TRDN: variants seen among roughly 807,000 people sequenced by gnomAD.
The protein encoded by TRDN is triadin in skeletal muscle.
TRDN carries 161 observed loss-of-function variants against 149.7 expected under a neutral mutation model. The observed-to-expected ratio is 1.08, with a 90% CI of 0.95 to 1.23. The LOEUF (loss-of-function observed/expected upper bound fraction) is 1.23. Ranked by LOEUF, TRDN falls within the 50% of genes most tolerant of loss-of-function variation. The pLI is 0.00. For missense variants in TRDN, 896 were observed against 823.5 expected (o/e 1.09, Z -1.08); for synonymous variants, 294 against 250.5 (o/e 1.17, Z -1.64).
chr6:123,533,257 G>T (rs1449528564), intron 4 of TRDN, among the ~76,000 whole-genome samples: 2 of 152,042 alleles, frequency 1.3e-5, no homozygotes, highest in African/African-American at 2.4e-5. Context: ...AGAGGTAGGG[G>T]TGTGTGCATA....
At chr6:123,602,316 G>C (rs115231050) in intron 1 of TRDN, among the ~76,000 whole-genome samples, 1 of 151,984 alleles carries the variant, frequency 6.6e-6, no homozygotes, top group Non-Finnish European at 1.5e-5. Context: ...TCTAAGTGAA[G>C]TAACACAAGA....
intron 36 of TRDN, 38 bp downstream of exon 36, chr6:123,255,829 G>T: frequency 7.8e-7 from 1 of 1,278,492 alleles, no homozygotes; most frequent in Non-Finnish European, 1.0e-6. Flanking sequence ...TTAGCTTCAG[G>T]GCTTTGCATT....
At chr6:123,392,451 A>G (rs1772527631) in intron 13 of TRDN, among the ~76,000 whole-genome samples, 1 of 152,042 alleles carries the variant, frequency 6.6e-6, no homozygotes. Context: ...GTGGTTTTCT[A>G]TGAAAACATA....
intron 10 of TRDN, among the ~76,000 whole-genome samples, chr6:123,461,956 C>T (rs370325100): frequency 1.3e-5 from 2 of 152,146 alleles, no homozygotes; most frequent in South Asian, 2.1e-4. Flanking sequence ...CCAATAGACA[C>T]GGGAATTCAA....
chr6:123,260,240 T>C (rs1776716458), intron 34 of TRDN, among the ~76,000 whole-genome samples: 1 of 152,144 alleles, frequency 6.6e-6, no homozygotes, highest in African/African-American at 2.4e-5. Context: ...CCTGGCATGA[T>C]GGATTCATAA....
chr6:123,309,483 A>G (rs756008093), intron 24 of TRDN, among the ~76,000 whole-genome samples: 1 of 152,040 alleles, frequency 6.6e-6, no homozygotes, highest in Non-Finnish European at 1.5e-5. Flanking sequence ...ATTAATGTTC[A>G]GAAACATTAA....
At chr6:123,236,400 G>A (rs1408258541) in intron 38 of TRDN, among the ~76,000 whole-genome samples, 3 of 152,030 alleles carry the variant, frequency 2.0e-5, no homozygotes, top group Non-Finnish European at 2.9e-5. Flanking sequence ...AAAAACACAA[G>A]GCCTTTGTTG....
intron 24 of TRDN, among the ~76,000 whole-genome samples, chr6:123,297,472 T>C (rs1046248448): frequency 1.3e-4 from 19 of 151,846 alleles, no homozygotes; most frequent in African/African-American, 4.6e-4. Flanking sequence ...ACTTCGAAGT[T>C]TTTTTTTATG....
chr6:123,357,212 A>G (rs1463683032), intron 20 of TRDN, among the ~76,000 whole-genome samples: 1 of 152,010 alleles, frequency 6.6e-6, no homozygotes, highest in Non-Finnish European at 1.5e-5. Flanking sequence ...AGCATCTAGA[A>G]TTGTTCCTAA....
chr6:123,636,858 G>A lies in TRDN; in HGVS notation c.-83C>T. On this transcript the variant is annotated 5_prime_UTR_variant, in exon 1 of 41. Coordinates refer to ENST00000334268, the MANE Select transcript of TRDN (RefSeq NM_006073.4). ...AGTATTTGGGGATTTGAGAACTCTG[G>A]TGGAGGGTTCTGTGTCAAAACCTGG... 6.5e-7 allele frequency: 1 copy of A among 1,531,498 alleles called. No homozygotes were observed. The highest frequency in any genetic ancestry group is 9.0e-7 in the Non-Finnish European group (1 of 1,106,628). The allele number at this position is 1,531,498 out of a possible 1,614,324, so 94.9% of individuals were successfully genotyped here.
intron 31 of TRDN, 70 bp from the exon 32 acceptor site, chr6:123,267,821 T>G (rs1777064046): frequency 7.9e-7 from 1 of 1,262,552 alleles, no homozygotes. Context: ...TTTATATATT[T>G]GCAAGTGATC....
At chr6:123,265,503 C>T (rs1776912267) in intron 32 of TRDN, among the ~76,000 whole-genome samples, 165 bp from the exon 33 acceptor site, 1 of 151,252 alleles carries the variant, frequency 6.6e-6, no homozygotes. Context: ...ATTTTCATAT[C>T]ATACTCCCAA....
intron 12 of TRDN, among the ~76,000 whole-genome samples, chr6:123,406,664 A>C (rs1362546812): frequency 6.6e-6 from 1 of 152,172 alleles, no homozygotes; most frequent in Non-Finnish European, 1.5e-5. Context: ...ATATAAACAT[A>C]GGAAAATCTT....
At position 123,316,467 on chromosome 6, in the gene TRDN, C is replaced by T. The variant is rs967937580; in HGVS notation, c.1500G>A (p.Met500Ile). ...KEPETKKDEK[M>I]SKAGKEVKPK... is the part of the protein sequence containing the mutation. Reference sequence around the variant, plus strand: ...ACAAAATATCCTTACCTGCTTTGGACATCTTTTCATCTTTTTTAGTTTCAG... The same window carrying T: ...ACAAAATATCCTTACCTGCTTTGGATATCTTTTCATCTTTTTTAGTTTCAG... Residue 500 changes from methionine to isoleucine, a missense_variant, in exon 24 of 41, where the codon ATG becomes ATA. Physicochemically the swap from Met to Ile is conservative, Grantham distance 10 (BLOSUM62 1). Transcript: ENST00000334268. The T allele has an allele frequency of 1.9e-6, 3 of 1,610,158 alleles. No homozygotes were observed. Among genetic ancestry groups the T allele is most frequent in the South Asian group, 1.1e-5 (1 of 90,962 alleles).
intron 1 of TRDN, among the ~76,000 whole-genome samples, chr6:123,609,087 C>T (rs1784663378): frequency 6.6e-6 from 1 of 152,084 alleles, no homozygotes; most frequent in Non-Finnish European, 1.5e-5. Flanking sequence ...GCAGGAGAAT[C>T]ACTTGAACCC....
chr6:123,623,146 G>T (rs899159529), intron 1 of TRDN, among the ~76,000 whole-genome samples: 3 of 151,876 alleles, frequency 2.0e-5, no homozygotes, highest in Admixed American at 6.6e-5. Flanking sequence ...GAATCTTTTT[G>T]CCCTGTATTT....
At chr6:123,582,660 C>T (rs1357536242) in intron 1 of TRDN, among the ~76,000 whole-genome samples, 5 of 152,076 alleles carry the variant, frequency 3.3e-5, no homozygotes, top group Admixed American at 3.3e-4. Context: ...TCAGTTAAGG[C>T]AGGAACCCGC....
chr6:123,618,746 A>G (rs935215107), intron 1 of TRDN, among the ~76,000 whole-genome samples: 1 of 152,172 alleles, frequency 6.6e-6, no homozygotes, highest in Non-Finnish European at 1.5e-5. Context: ...ATTCTAATTT[A>G]AAAAATGCCC....
intron 18 of TRDN, 102 bp from the exon 19 acceptor site, chr6:123,375,733 T>C: frequency 1.1e-6 from 1 of 950,820 alleles, no homozygotes; most frequent in South Asian, 2.0e-5. Flanking sequence ...AGATTGTGTG[T>C]ATAATATTGG....
Sources: allele counts gnomAD v4.1 joint callset (sites outside exome capture counted in the v4.1 genomes callset), GRCh38; gene constraint gnomAD v4.1.1; transcripts MANE v1.5; gene names NCBI Gene and HGNC (gene_info 2026-07-23, HGNC 2026-07-21).